The following PDK1 variants were observed in gnomAD, a reference collection of about 807,000 sequenced individuals.
PDK1 encodes [Pyruvate dehydrogenase (acetyl-transferring)] kinase isozyme 1, mitochondrial.
A neutral mutation model predicts 54.2 loss-of-function variants in PDK1; 39 were observed. The ratio of observed to expected loss-of-function variants is 0.72; its 90% CI spans 0.56 to 0.94. The LOEUF (loss-of-function observed/expected upper bound fraction) is 0.94, where lower values mean the gene tolerates loss of function less well. Among genes scored for constraint, PDK1 ranks in the 40% least tolerant of loss-of-function variants. The pLI is 0.00. For missense variants in PDK1, 552 were observed against 566.0 expected (o/e 0.98, Z 0.25); for synonymous variants, 221 against 207.1 (o/e 1.07, Z -0.58).
the PDK1 span, among the ~76,000 whole-genome samples, chr2:172,685,835 C>T: frequency 1.3e-5 from 2 of 152,182 alleles, no homozygotes. Context: ...GACAGCTGCA[C>T]GTGGCTATTT....
the PDK1 span, among the ~76,000 whole-genome samples, chr2:172,700,534 A>C: frequency 6.7e-6 from 1 of 149,234 alleles, no homozygotes; most frequent in Non-Finnish European, 1.5e-5. Flanking sequence ...GCGGCCAGGC[A>C]GAGAGGCTCC....
intron 2 of PDK1, 97 bp downstream of exon 2, chr2:172,558,946 T>C: frequency 8.8e-7 from 1 of 1,142,202 alleles, no homozygotes; most frequent in Non-Finnish European, 1.3e-6. Context: ...GGAATCTTTT[T>C]TGTTTTGTTT....
chr2:172,556,024 A>G (rs536786337), upstream of PDK1: 24 of 627,552 alleles, frequency 3.8e-5, no homozygotes, highest in East Asian at 5.4e-4. Context: ...TCCGGCTAGG[A>G]GGGTGGGGGC....
the PDK1 span, among the ~76,000 whole-genome samples, chr2:172,707,010 CT>C: frequency 1.3e-5 from 2 of 152,148 alleles, no homozygotes; most frequent in Non-Finnish European, 2.9e-5. Context: ...TTACTGCTTC[CT>C]TTGTGGCCTC....
At chr2:172,668,822 TAC>T in the PDK1 span, among the ~76,000 whole-genome samples, 15 of 147,138 alleles carry the variant, frequency 1.0e-4, no homozygotes, top group African/African-American at 3.0e-4. Context: ...TATATATATA[TAC>T]ACACATATGT....
the PDK1 span, among the ~76,000 whole-genome samples, chr2:172,630,635 T>A: frequency 6.6e-5 from 9 of 136,512 alleles, no homozygotes; most frequent in Admixed American, 2.8e-4. Context: ...TAATGGAATT[T>A]TTTTTTTTTT....
the PDK1 span, among the ~76,000 whole-genome samples, chr2:172,705,551 A>G: frequency 2.0e-5 from 3 of 152,206 alleles, no homozygotes; most frequent in Non-Finnish European, 4.4e-5. Flanking sequence ...TCTATTACTC[A>G]GTTTGACTCA....
chr2:172,592,847 C>A, intron 9 of PDK1, 88 bp from the exon 10 acceptor site: 4 of 683,984 alleles, frequency 5.8e-6, no homozygotes, highest in East Asian at 5.4e-5. Flanking sequence ...TCTGATAGCC[C>A]CGTGGTACTC....
the PDK1 span, among the ~76,000 whole-genome samples, chr2:172,619,506 A>G: frequency 6.6e-6 from 1 of 150,926 alleles, no homozygotes; most frequent in African/African-American, 2.5e-5. Context: ...TTTTTAATCT[A>G]AAAGCATAAG....
At chr2:172,689,149 T>A in the PDK1 span, among the ~76,000 whole-genome samples, 3 of 152,094 alleles carry the variant, frequency 2.0e-5, no homozygotes, top group Non-Finnish European at 2.9e-5. Flanking sequence ...CGCTGATTGG[T>A]CCATTTTACA....
At chr2:172,639,157 A>T in the PDK1 span, among the ~76,000 whole-genome samples, 1 of 152,198 alleles carries the variant, frequency 6.6e-6, no homozygotes, top group African/African-American at 2.4e-5. Context: ...CAAAAGCCGG[A>T]TTACAGGCAT....
intron 8 of PDK1, among the ~76,000 whole-genome samples, chr2:172,571,365 TTTC>T (rs1689248096): frequency 6.6e-6 from 1 of 152,180 alleles, no homozygotes; most frequent in Non-Finnish European, 1.5e-5. Context: ...GGTGGCCCAG[TTTC>T]TTCTTTTACA....
At chr2:172,621,579 G>C in the PDK1 span, among the ~76,000 whole-genome samples, 1 of 146,292 alleles carries the variant, frequency 6.8e-6, no homozygotes, top group Non-Finnish European at 1.5e-5. Flanking sequence ...TATTATATAT[G>C]ATATATGTTT....
chr2:172,646,724 C>T, the PDK1 span, among the ~76,000 whole-genome samples: 1 of 61,240 alleles, frequency 1.6e-5, no homozygotes, highest in Non-Finnish European at 4.1e-5. Flanking sequence ...GAGACCCAAA[C>T]CTTGCATTTC....
At chr2:172,592,301 CT>C (rs941937829) in intron 9 of PDK1, among the ~76,000 whole-genome samples, 1 of 152,110 alleles carries the variant, frequency 6.6e-6, no homozygotes, top group African/African-American at 2.4e-5. Context: ...ACTTCTATCT[CT>C]CTTTCTCTTT....
chr2:172,578,196 A>G (rs1199900025), intron 8 of PDK1, among the ~76,000 whole-genome samples: 1 of 152,160 alleles, frequency 6.6e-6, no homozygotes, highest in East Asian at 1.9e-4. Context: ...AGCTGTTACA[A>G]TCTTATTGAA....
chr2:172,686,083 G>A, the PDK1 span, among the ~76,000 whole-genome samples: 1 of 152,322 alleles, frequency 6.6e-6, no homozygotes, highest in South Asian at 2.1e-4. Context: ...CACCACTGAA[G>A]TGCTATTTCA....
intron 8 of PDK1, 25 bp downstream of exon 8, chr2:172,570,849 T>TA (rs1689209630): frequency 1.2e-5 from 16 of 1,367,352 alleles, no homozygotes; most frequent in Non-Finnish European, 1.3e-5. Context: ...TGGTTTGTTT[T>TA]CTTTTTTTTT....
chr2:172,581,031 G>A (rs938352338), intron 8 of PDK1, among the ~76,000 whole-genome samples: 8 of 151,584 alleles, frequency 5.3e-5, no homozygotes, highest in Admixed American at 1.3e-4. Context: ...TGCACATATC[G>A]ATGAATATAT....
Sources: allele counts gnomAD v4.1 joint callset (sites outside exome capture counted in the v4.1 genomes callset), GRCh38; gene constraint gnomAD v4.1.1; transcripts MANE v1.5; gene names NCBI Gene and HGNC (gene_info 2026-07-23, HGNC 2026-07-21).